The following LHX4 variants were observed in gnomAD, a reference collection of about 807,000 sequenced individuals.
LHX4 encodes the protein LIM homeobox 4.
In LHX4, 16 loss-of-function variants were observed where a neutral mutation model predicts 39.2. That is an observed-to-expected ratio of 0.41 (90% CI 0.28 to 0.62). The LOEUF is 0.62. Among genes scored for constraint, LHX4 ranks in the 20% least tolerant of loss-of-function variants. The pLI is 0.33. For missense variants in LHX4, 439 were observed against 511.9 expected, an observed-to-expected ratio of 0.86 and a Z score of 1.37; for synonymous variants, 206 against 198.1, an observed-to-expected ratio of 1.04 and a Z score of -0.33.
chr1:180,271,309 G>A, intron 3 of LHX4, 71 bp from the exon 4 acceptor site: 1 of 1,545,080 alleles, frequency 6.5e-7, no homozygotes, highest in South Asian at 1.1e-5. Flanking sequence ...AAGGATGGAA[G>A]GGAGGGTGTG....
At chr1:180,254,542 G>C (rs1452943852) in intron 2 of LHX4, among the ~76,000 whole-genome samples, 1 of 152,244 alleles carries the variant, frequency 6.6e-6, no homozygotes, top group African/African-American at 2.4e-5. Flanking sequence ...GGTGGTGCTG[G>C]CTGCAGACAG....
chr1:180,233,321 G>GT (rs1403371297), intron 1 of LHX4, among the ~76,000 whole-genome samples: 1 of 152,210 alleles, frequency 6.6e-6, no homozygotes, highest in Non-Finnish European at 1.5e-5. Context: ...AGCCCTCCTG[G>GT]TTTTTTACCG....
chr1:180,248,687 A>C, intron 2 of LHX4: 4 of 578,476 alleles, frequency 6.9e-6, no homozygotes, highest in Non-Finnish European at 9.4e-6. Context: ...TGCATGGGGC[A>C]GGGGTGAGGA....
chr1:180,264,977 G>C (rs1428283070), intron 2 of LHX4, among the ~76,000 whole-genome samples: 1 of 152,210 alleles, frequency 6.6e-6, no homozygotes, highest in Non-Finnish European at 1.5e-5. Context: ...CTGTGTCCCT[G>C]GTGGGGGGCG....
chr1:180,250,722 G>C (rs572077795), intron 2 of LHX4, among the ~76,000 whole-genome samples: 1 of 152,290 alleles, frequency 6.6e-6, no homozygotes, highest in South Asian at 2.1e-4. Flanking sequence ...TCAGGGCCCT[G>C]TCTGATTTTT....
intron 2 of LHX4, 33 bp downstream of exon 2, chr1:180,248,489 C>T (rs187602044): frequency 1.9e-6 from 3 of 1,610,752 alleles, no homozygotes; most frequent in Admixed American, 1.7e-5. Context: ...GTGGCCCTGG[C>T]CTGTCTCTGC....
Position 180,266,262 on chromosome 1 carries a change from T to C in LHX4, c.249-130T>C. 1 of 844,910 alleles carries C rather than the reference T, an allele frequency of 1.2e-6. No homozygotes were observed. Among genetic ancestry groups the C allele is most frequent in the Non-Finnish European group, 2.0e-6 (1 of 503,612 alleles). The allele number at this position is 844,910 out of a possible 1,614,324, so 52.3% of individuals were successfully genotyped here. A position where few individuals can be genotyped will look rare whatever the true frequency, so the allele number is the denominator to read the frequency against. On this transcript the variant is annotated intron_variant, in intron 2 of 5. Coordinates refer to ENST00000263726, the MANE Select transcript of LHX4 (RefSeq NM_033343.4). This position sits in a 1 kb window ranked among gnomAD's most constrained non-coding sequence, Gnocchi z 5.7. ...GCAGAGAGGACCAGACGGTAAGCTC[T>C]GGGTGACTGGGGGGTGAGGCTCATG...
rs1382777209 is a variant in LHX4, at chr1:180,248,289, T to A, written c.81T>A (p.Ile27=). 1.9e-6 allele frequency: 3 copies of A among 1,614,060 alleles called. No individual in the cohort carries two copies. The highest frequency in any genetic ancestry group is 2.2e-5 in the East Asian group (1 of 44,882). The change falls in exon 2 of 6, where the codon ATT becomes ATA. Residue 27 remains isoleucine, a synonymous_variant. Coordinates refer to ENST00000263726, the MANE Select transcript of LHX4 (RefSeq NM_033343.4). The part of the protein sequence containing the change: ...PEMLGVPMQQ[I]PQCAGCNQHI... ...TCTCTCTCCTCTTCCTCACAGAGAT[T>A]CCCCAGTGCGCTGGCTGCAACCAGC...
intron 1 of LHX4, 75 bp from the exon 2 acceptor site, chr1:180,248,210 C>T (rs1490950627): frequency 4.0e-6 from 6 of 1,485,812 alleles, no homozygotes; most frequent in Non-Finnish European, 5.6e-6. Flanking sequence ...AGTGGGAAGG[C>T]ACCCGCCAGG....
chr1:180,241,163 G>T (rs751856993), intron 1 of LHX4, among the ~76,000 whole-genome samples: 1 of 152,200 alleles, frequency 6.6e-6, no homozygotes, highest in African/African-American at 2.4e-5. Flanking sequence ...CACATGTTCG[G>T]AGAGACCAAG....
intron 3 of LHX4, 45 bp from the exon 4 acceptor site, chr1:180,271,335 G>A (rs766017427): frequency 1.9e-6 from 3 of 1,610,856 alleles, no homozygotes; most frequent in Non-Finnish European, 2.5e-6. Context: ...AGGCGCAGCT[G>A]CTGCAGATAG....
intron 1 of LHX4, among the ~76,000 whole-genome samples, chr1:180,231,775 C>T (rs6425615): frequency 0.058 from 8,836 of 152,138 alleles, 489 homozygotes; most frequent in African/African-American, 0.14. Context: ...ATGGTGACTA[C>T]CTACAAACTA....
chr1:180,229,221 C>A (rs1664096256), upstream of LHX4, among the ~76,000 whole-genome samples: 1 of 152,244 alleles, frequency 6.6e-6, no homozygotes, highest in South Asian at 2.1e-4. Context: ...CCTGCACGCA[C>A]GAGGTCGCGG....
chr1:180,272,496 A>C (rs998544687), intron 5 of LHX4: 1 of 155,238 alleles, frequency 6.4e-6, no homozygotes, highest in African/African-American at 2.4e-5. Context: ...TGAGATGGGG[A>C]ACTGGCTTCA....
Position 180,250,336 on chromosome 1 carries a change from TGTGTGTGTGTGTGCGC to T in LHX4, c.248+1882_248+1897del, listed in dbSNP as rs1281942386. Among the ~76,000 whole-genome samples, 10 of 52,146 alleles carry T rather than the reference TGTGTGTGTGTGTGCGC, an allele frequency of 1.9e-4. 1 individual carries two copies. The South Asian group carries it at 4.5e-3, about 23-fold the overall frequency. The allele number at this position is 52,146 out of a possible 152,430, so 34.2% of individuals were successfully genotyped here. ...ATTTCCCTGTGTTTGTGTGTGTGTGTGTGTGTGTGTGTGCGCGCGTGGGTTGACATATGTACCCGGG... is the reference window on the plus strand; with the variant it reads ...ATTTCCCTGTGTTTGTGTGTGTGTGTGCGTGGGTTGACATATGTACCCGGG... On this transcript the variant is annotated intron_variant, in intron 2 of 5. Coordinates refer to ENST00000263726, the MANE Select transcript of LHX4 (RefSeq NM_033343.4).
chr1:180,239,998 A>G (rs1157661645), intron 1 of LHX4, among the ~76,000 whole-genome samples: 1 of 152,216 alleles, frequency 6.6e-6, no homozygotes. Context: ...CGAAAGGAGC[A>G]AGAAAAACCT....
chr1:180,235,701 C>T (rs993784565), intron 1 of LHX4, among the ~76,000 whole-genome samples: 1 of 152,170 alleles, frequency 6.6e-6, no homozygotes, highest in South Asian at 2.1e-4. Context: ...AGAGTCTCTA[C>T]CTAGGCGGCT....
upstream of LHX4, among the ~76,000 whole-genome samples, chr1:180,228,962 G>C (rs1366126021): frequency 2.0e-5 from 3 of 152,354 alleles, no homozygotes; most frequent in Admixed American, 2.0e-4. Context: ...GGGGGCAGGA[G>C]AGCGGCTGGG....
At position 180,274,469 on chromosome 1, in the gene LHX4, A is replaced by C; in HGVS notation, c.1063A>C (p.Met355Leu). ...GQGVSQTLRA[M>L]AGGPTSDIST... The stretch of plus-strand genomic sequence containing the variant: ...GGGAGTAAGCCAGACGCTGAGAGCC[A>C]TGGCTGGGGGACCCACCTCTGACAT... Residue 355 changes from methionine (M) to leucine (L), a missense_variant, in exon 6 of 6, where the codon ATG becomes CTG. Physicochemically the swap from Met to Leu is conservative, Grantham distance 15 (BLOSUM62 2). Transcript: ENST00000263726. 1 of 1,614,106 alleles carries C rather than the reference A, an allele frequency of 6.2e-7. No homozygotes were observed. Among genetic ancestry groups the C allele is most frequent in the Non-Finnish European group, 8.5e-7 (1 of 1,180,024 alleles).
Sources: allele counts gnomAD v4.1 joint callset (sites outside exome capture counted in the v4.1 genomes callset), GRCh38; gene constraint gnomAD v4.1.1; non-coding constraint Gnocchi (gnomAD v3.1); transcripts MANE v1.5; gene names NCBI Gene and HGNC (gene_info 2026-07-23, HGNC 2026-07-21).